The following NEURL1 variants were observed in gnomAD, a reference collection of about 807,000 sequenced individuals.
NEURL1 encodes E3 ubiquitin-protein ligase NEURL1.
NEURL1 carries 26 observed loss-of-function variants against 41.2 expected under a neutral mutation model. The observed-to-expected ratio is 0.63, with a 90% CI of 0.46 to 0.87. The LOEUF (loss-of-function observed/expected upper bound fraction) is 0.87. Ranked by LOEUF, NEURL1 falls within the 40% of genes least tolerant of loss-of-function variation. The pLI is 0.00. For missense variants in NEURL1, 761 were observed against 871.1 expected (o/e 0.87, Z 1.59); for synonymous variants, 400 against 402.3 (o/e 0.99, Z 0.07).
intron 1 of NEURL1, among the ~76,000 whole-genome samples, chr10:103,523,426 A>T (rs1446931292): frequency 1.3e-5 from 2 of 152,056 alleles, no homozygotes; most frequent in African/African-American, 4.8e-5. Context: ...ACTGCACTCC[A>T]GCCTGGGTGA....
At position 103,558,502 on chromosome 10, in the gene NEURL1, CCT is replaced by C. The variant is rs1491467908; in HGVS notation, c.86-12369_86-12368del. On this transcript the variant is annotated intron_variant, in intron 1 of 5. Coordinates refer to ENST00000369780, the MANE Select transcript of NEURL1 (RefSeq NM_004210.5). This position sits in a 1 kb window ranked among gnomAD's most constrained non-coding sequence, Gnocchi z 4.2. ...TGTGGTACTCTGTGCCTGTGCCATG[CCT>C]GTGTGTGTGTGTGTGTGTGTGTGTG... Among the ~76,000 whole-genome samples the C allele has an allele frequency of 8.6e-6, 1 of 116,824 alleles. No homozygotes were observed. The allele number at this position is 116,824 out of a possible 152,430, so 76.6% of individuals were successfully genotyped here.
intron 1 of NEURL1, among the ~76,000 whole-genome samples, chr10:103,549,928 G>T (rs1285359211): frequency 3.9e-5 from 6 of 152,188 alleles, no homozygotes; most frequent in Non-Finnish European, 8.8e-5. Flanking sequence ...CATTTATTGG[G>T]CCTTCTTTGC....
intron 1 of NEURL1, among the ~76,000 whole-genome samples, chr10:103,500,944 T>G (rs1156522677): frequency 6.6e-6 from 1 of 151,824 alleles, no homozygotes; most frequent in African/African-American, 2.4e-5. Flanking sequence ...TTGGAGGAGG[T>G]GGGACCAGGC....
chr10:103,552,188 A>C (rs2035045190), intron 1 of NEURL1, among the ~76,000 whole-genome samples: 3 of 152,044 alleles, frequency 2.0e-5, no homozygotes, highest in Admixed American at 1.3e-4. Context: ...CTCCTCCCTC[A>C]CCCTTCACAA....
Position 103,584,701 on chromosome 10 carries a change from C to T in NEURL1, c.815C>T (p.Pro272Leu). The part of the protein sequence containing the change: ...GDEAAPAAGC[P>L]IPQNSLNSQH... The stretch of plus-strand genomic sequence containing the variant: ...GAGGCCGCGCCGGCCGCCGGCTGCC[C>T]CATCCCGCAGAACTCACTCAACTCG... The change falls in exon 4 of 6, where the codon CCC becomes CTC. Residue 272 changes from proline to leucine, a missense_variant. Physicochemically the swap from Pro to Leu is moderately conservative, Grantham distance 98. Around this residue, in one of 5 missense-constraint regions of NEURL1, gnomAD observed 443 missense variants for 408.1 expected, o/e 1.09. Coordinates refer to ENST00000369780, the MANE Select transcript of NEURL1 (RefSeq NM_004210.5). The T allele has an allele frequency of 1.4e-6, 2 of 1,453,848 alleles. No individual in the cohort carries two copies. Among genetic ancestry groups the T allele is most frequent in the Non-Finnish European group, 9.0e-7 (1 of 1,108,528 alleles). 90.1% of individuals were successfully genotyped at this position (1,453,848 alleles called of 1,614,324 possible).
In NEURL1 at chr10:103,501,726, G is replaced by A. The variant is rs187025058; in HGVS notation, c.85+7254G>A. On this transcript the variant is annotated intron_variant, in intron 1 of 5. Transcript: ENST00000369780. Reference sequence around the variant, plus strand: ...CAGCTCACTGCAACCTCTGCCTCCCGGGTTCAAGTGATTCTCCTGCCCCAG... The same window carrying A: ...CAGCTCACTGCAACCTCTGCCTCCCAGGTTCAAGTGATTCTCCTGCCCCAG... 8.8e-3 allele frequency among the ~76,000 whole-genome samples: 1,342 copies of A among 151,710 alleles called. 20 individuals are homozygous for A. Among genetic ancestry groups the A allele is most frequent in the African/African-American group, 0.031 (1,269 of 41,338 alleles).
chr10:103,501,817 A>G (rs529462419), intron 1 of NEURL1, among the ~76,000 whole-genome samples: 2 of 151,996 alleles, frequency 1.3e-5, no homozygotes, highest in Admixed American at 6.6e-5. Context: ...TATTGTTAGT[A>G]GAGACAGAGT....
At chr10:103,543,666 G>A (rs1279360430) in intron 1 of NEURL1, among the ~76,000 whole-genome samples, 1 of 152,226 alleles carries the variant, frequency 6.6e-6, no homozygotes, top group Non-Finnish European at 1.5e-5. Flanking sequence ...TGCAGGGCTG[G>A]GGCTGCACAG....
chr10:103,553,407 G>A lies in NEURL1; in HGVS notation c.86-17465G>A, dbSNP rs1160523195. ...GGTATGTGTGCCAGGAAGTGTGTGC[G>A]TGTGTGTACGTGTGACTGCACAGCT... is the stretch of plus-strand genomic sequence containing the variant. On this transcript the variant is annotated intron_variant, in intron 1 of 5. Transcript: ENST00000369780. Among the ~76,000 whole-genome samples, 6 of 152,146 alleles carry A rather than the reference G, an allele frequency of 3.9e-5. No homozygotes were observed. In the East Asian group the frequency reaches 5.8e-4, roughly 15 times the overall value.
Position 103,584,927 on chromosome 10 carries a change from C to T in NEURL1, c.1041C>T (p.Gly347=), listed in dbSNP as rs1438116878. The change falls in exon 4 of 6, where the codon GGC becomes GGT. Residue 347 remains glycine (G), a synonymous_variant. Transcript: ENST00000369780. ...TIFVKVTRSG[G]ARPGALSFGV... ...TCGTCAAGGTCACGCGCTCGGGTGG[C>T]GCGCGGCCCGGCGCGCTGTCGTTCG... is the stretch of plus-strand genomic sequence containing the variant. 5 of 1,478,082 alleles carry T rather than the reference C, an allele frequency of 3.4e-6. No individual in the cohort carries two copies. In the South Asian group the frequency reaches 6.4e-5, roughly 19 times the overall value. 91.6% of individuals were successfully genotyped at this position (1,478,082 alleles called of 1,614,324 possible).
chr10:103,554,137 G>A (rs1351881508), intron 1 of NEURL1, among the ~76,000 whole-genome samples: 1 of 152,222 alleles, frequency 6.6e-6, no homozygotes, highest in African/African-American at 2.4e-5. Context: ...GATGATCTGG[G>A]CTCCCGGCAT....
chr10:103,548,479 C>T (rs745520869), intron 1 of NEURL1, among the ~76,000 whole-genome samples: 8 of 152,212 alleles, frequency 5.3e-5, no homozygotes, highest in Non-Finnish European at 7.4e-5. Context: ...TGTGCCACCA[C>T]GCCTGGCTAA....
intron 1 of NEURL1, among the ~76,000 whole-genome samples, chr10:103,511,498 A>G (rs2034071207): frequency 6.6e-6 from 1 of 152,258 alleles, no homozygotes; most frequent in Admixed American, 6.5e-5. Context: ...GCCAAGGCAT[A>G]GACTCTGGAA....
intron 1 of NEURL1, among the ~76,000 whole-genome samples, chr10:103,548,543 G>A (rs761248287): frequency 2.6e-5 from 4 of 151,294 alleles, no homozygotes; most frequent in Non-Finnish European, 4.4e-5. Flanking sequence ...GGATGGTCTC[G>A]AACTCCTGAC....
At chr10:103,555,539 T>G in intron 1 of NEURL1, 6 of 705,284 alleles carry the variant, frequency 8.5e-6, no homozygotes, top group Non-Finnish European at 1.2e-5. Context: ...TGGAGGGGTC[T>G]GGGGCTGTGT....
chr10:103,551,810 G>A (rs983129527), intron 1 of NEURL1, among the ~76,000 whole-genome samples: 2 of 152,176 alleles, frequency 1.3e-5, no homozygotes, highest in African/African-American at 4.8e-5. Flanking sequence ...ACGTCTGTGG[G>A]AAAACCCTTT....
At chr10:103,548,732 C>G (rs550888780) in intron 1 of NEURL1, among the ~76,000 whole-genome samples, 1 of 152,322 alleles carries the variant, frequency 6.6e-6, no homozygotes, top group East Asian at 1.9e-4. Context: ...TTCTCTGACT[C>G]TCAAGCGTTG....
chr10:103,504,915 A>G (rs912589272), intron 1 of NEURL1, among the ~76,000 whole-genome samples: 1 of 152,224 alleles, frequency 6.6e-6, no homozygotes. Flanking sequence ...GGTTGGCCTC[A>G]GTTCCTAGAT....
chr10:103,509,916 A>T (rs556926125), intron 1 of NEURL1, among the ~76,000 whole-genome samples: 2 of 152,034 alleles, frequency 1.3e-5, no homozygotes, highest in African/African-American at 4.8e-5. Flanking sequence ...AGGGTCCAGG[A>T]TTTGTGATTG....
Sources: gnomAD v4.1 joint callset for allele counts (sites outside exome capture counted in the v4.1 genomes callset) on GRCh38, gnomAD v4.1.1 for gene constraint, gnomAD v4.1.1 regional missense constraint, Gnocchi (gnomAD v3.1) non-coding constraint, MANE v1.5 for transcripts, NCBI Gene and HGNC (gene_info 2026-07-23, HGNC 2026-07-21) for gene names.